MARCHF6: variants seen among roughly 807,000 people sequenced by gnomAD.
MARCHF6 encodes the protein membrane associated ring-CH-type finger 6, also known as E3 ubiquitin-protein ligase MARCHF6.
MARCHF6 carries 31 observed loss-of-function variants against 133.7 expected under a neutral mutation model. The observed-to-expected ratio is 0.23, with a 90% CI of 0.17 to 0.31. The LOEUF (loss-of-function observed/expected upper bound fraction) is 0.31, where lower values mean the gene tolerates loss of function less well. MARCHF6 is among the 10% of genes least tolerant of loss of function. The pLI is 1.00. For synonymous variants in MARCHF6, 395 were observed against 402.5 expected (o/e 0.98, Z 0.22); for missense variants, 723 against 1,121.6 (o/e 0.64, Z 5.08).
chr5:10,372,107 T>C (rs1736508212), intron 1 of MARCHF6, among the ~76,000 whole-genome samples: 1 of 151,532 alleles, frequency 6.6e-6, no homozygotes, highest in Non-Finnish European at 1.5e-5. Flanking sequence ...GAAGATCAAA[T>C]GCCAATTAAT....
At chr5:10,424,279 C>T (rs190222761) in intron 23 of MARCHF6, among the ~76,000 whole-genome samples, 3 of 152,182 alleles carry the variant, frequency 2.0e-5, no homozygotes. Flanking sequence ...AGATGCGGCT[C>T]CTTAGTAAAG....
intron 1 of MARCHF6, among the ~76,000 whole-genome samples, chr5:10,371,129 G>T (rs1736438582): frequency 1.3e-5 from 2 of 152,160 alleles, no homozygotes; most frequent in South Asian, 4.1e-4. Flanking sequence ...GCTATTCTTA[G>T]ATTTCCAGCC....
At chr5:10,403,921 A>AT (rs1427058453) in intron 15 of MARCHF6, among the ~76,000 whole-genome samples, 1 of 152,136 alleles carries the variant, frequency 6.6e-6, no homozygotes, top group Non-Finnish European at 1.5e-5. Context: ...AACCAAAAGG[A>AT]TATGGTTTTG....
intron 15 of MARCHF6, among the ~76,000 whole-genome samples, chr5:10,404,970 T>C (rs1738791149): frequency 6.6e-6 from 1 of 152,188 alleles, no homozygotes; most frequent in African/African-American, 2.4e-5. Context: ...GTGGTGGTTT[T>C]TGTTGATATA....
intron 9 of MARCHF6, among the ~76,000 whole-genome samples, chr5:10,396,650 C>T (rs1738208105): frequency 6.6e-6 from 1 of 152,086 alleles, no homozygotes; most frequent in Admixed American, 6.5e-5. Context: ...TCAGTGTCAG[C>T]ATGGGGCATA....
intron 22 of MARCHF6, among the ~76,000 whole-genome samples, chr5:10,417,881 T>C (rs1393380585): frequency 6.6e-6 from 1 of 152,178 alleles, no homozygotes; most frequent in Non-Finnish European, 1.5e-5. Context: ...GCAGGTCTTA[T>C]AACTCCTTTA....
chr5:10,415,652 A>G lies in MARCHF6; in HGVS notation c.2131A>G (p.Lys711Glu). 1 of 1,614,146 alleles carries G rather than the reference A, an allele frequency of 6.2e-7. No individual in the cohort carries two copies. The highest frequency in any genetic ancestry group is 8.5e-7 in the Non-Finnish European group (1 of 1,179,996). The change falls in exon 21 of 26, where the codon AAA (lysine) becomes GAA (glutamate). Residue 711 changes from lysine to glutamate, a missense_variant. By Grantham distance (56) the Lys-to-Glu change is moderately conservative (BLOSUM62 1). Coordinates refer to ENST00000274140, the MANE Select transcript of MARCHF6 (RefSeq NM_005885.4). ...QGRRVIFQKV[K>E]EWSLMIMKTL... is the part of the protein sequence containing the mutation. ...ACGCAGAGTGATCTTCCAGAAGGTTAAAGAGTGGTCTCTCATGGTATGTGT... is the reference window on the plus strand; with the variant it reads ...ACGCAGAGTGATCTTCCAGAAGGTTGAAGAGTGGTCTCTCATGGTATGTGT...
At chr5:10,406,337 A>T (rs1738886364) in intron 16 of MARCHF6, among the ~76,000 whole-genome samples, 1 of 152,058 alleles carries the variant, frequency 6.6e-6, no homozygotes, top group Non-Finnish European at 1.5e-5. Context: ...TAACAGAAGC[A>T]TGTCAAAGTT....
intron 7 of MARCHF6, among the ~76,000 whole-genome samples, chr5:10,393,474 C>CAG (rs765046958): frequency 6.6e-6 from 1 of 152,142 alleles, no homozygotes; most frequent in Non-Finnish European, 1.5e-5. Context: ...GTAATGGTAA[C>CAG]AGGGGGCCTT....
rs1448858073 is a variant in MARCHF6, at chr5:10,381,829, C to A, written c.220C>A (p.Pro74Thr). ...IYSPDMPSRLPIQDIFAGLVT... is the reference protein window; with the variant it reads ...IYSPDMPSRLTIQDIFAGLVT... ...TTCTCCAGATATGCCTTCACGGCTT[C>A]CAATTCAAGACATATTTGCTGGACT... Residue 74 changes from proline to threonine, a missense_variant, in exon 4 of 26, where the codon CCA becomes ACA. By Grantham distance (38) the Pro-to-Thr change is conservative. Coordinates refer to ENST00000274140, the MANE Select transcript of MARCHF6 (RefSeq NM_005885.4). The A allele has an allele frequency of 6.2e-7, 1 of 1,609,446 alleles. No homozygotes were observed. The highest frequency in any genetic ancestry group is 1.1e-5 in the South Asian group (1 of 89,948).
At position 10,402,329 on chromosome 5, in the gene MARCHF6, T is replaced by TA. The variant is rs1579585318; in HGVS notation, c.1054-54dup. On this transcript the variant is annotated intron_variant, in intron 12 of 25. Transcript: ENST00000274140. ...AAATACTAAATGTTGGCTAAGTAGT[T>TA]ACCTGTTTCATTGTACCTTTAAATA... is the stretch of plus-strand genomic sequence containing the variant. 1.4e-5 allele frequency: 20 copies of TA among 1,445,492 alleles called. No homozygotes were observed. In the East Asian group the frequency reaches 4.5e-4, roughly 33 times the overall value. 89.5% of individuals were successfully genotyped at this position (1,445,492 alleles called of 1,614,324 possible).
intron 4 of MARCHF6, among the ~76,000 whole-genome samples, chr5:10,382,399 G>A (rs970639628): frequency 2.6e-5 from 4 of 151,182 alleles, no homozygotes. Flanking sequence ...CCCAGGAGGC[G>A]GAGGTTGCAG....
intron 1 of MARCHF6, among the ~76,000 whole-genome samples, chr5:10,356,063 A>G (rs1308312372): frequency 1.3e-5 from 2 of 152,198 alleles, no homozygotes; most frequent in Non-Finnish European, 2.9e-5. Flanking sequence ...CATTTTTACA[A>G]TTAAATTTAA....
At chr5:10,431,393 C>T (rs1304777685) in intron 25 of MARCHF6, among the ~76,000 whole-genome samples, 11 of 152,164 alleles carry the variant, frequency 7.2e-5, no homozygotes, top group Non-Finnish European at 1.5e-4. Context: ...CTGCACCCTG[C>T]CCTTCTCAGC....
chr5:10,358,738 C>A (rs1241932897), intron 1 of MARCHF6, among the ~76,000 whole-genome samples: 2 of 152,062 alleles, frequency 1.3e-5, no homozygotes, highest in South Asian at 2.1e-4. Flanking sequence ...ACTGTGTAGT[C>A]TAGAAATAGT....
At chr5:10,423,123 G>C (rs564985818) in intron 22 of MARCHF6, among the ~76,000 whole-genome samples, 2 of 151,404 alleles carry the variant, frequency 1.3e-5, no homozygotes, top group African/African-American at 4.9e-5. Flanking sequence ...GGGAAGTTAC[G>C]TTCATGATCT....
chr5:10,406,953 C>CA (rs1324599277), intron 16 of MARCHF6, 149 bp from the exon 17 acceptor site: 1 of 456,894 alleles, frequency 2.2e-6, no homozygotes, highest in East Asian at 3.3e-5. Flanking sequence ...CAAAATGACT[C>CA]AAAGATAATG....
intron 9 of MARCHF6, 84 bp from the exon 10 acceptor site, chr5:10,397,209 C>T: frequency 1.0e-6 from 1 of 957,158 alleles, no homozygotes; most frequent in African/African-American, 1.7e-5. Flanking sequence ...TACTATTTGG[C>T]TCTAGCTAAA....
intron 1 of MARCHF6, among the ~76,000 whole-genome samples, chr5:10,357,004 T>G (rs1445134190): frequency 6.6e-6 from 1 of 152,216 alleles, no homozygotes; most frequent in African/African-American, 2.4e-5. Context: ...AATACAGGGA[T>G]GGATAAATCA....
Sources: allele counts gnomAD v4.1 joint callset (sites outside exome capture counted in the v4.1 genomes callset), GRCh38; gene constraint gnomAD v4.1.1; transcripts MANE v1.5; gene names NCBI Gene and HGNC (gene_info 2026-07-23, HGNC 2026-07-21).